Variants in CERS6 observed in about 807,000 individuals in gnomAD.
The protein encoded by CERS6 is LAG1 homolog, ceramide synthase 6.
CERS6 carries 26 observed loss-of-function variants against 56.8 expected under a neutral mutation model. The observed-to-expected ratio is 0.46, with a 90% confidence interval of 0.34 to 0.63. CERS6 has a LOEUF of 0.63. CERS6 is among the 30% of genes least tolerant of loss of function. The probability of loss-of-function intolerance (pLI) is 0.01; values close to 1 mark genes in which losing one functional copy is unlikely to be tolerated. For synonymous variants in CERS6, 164 were observed against 173.3 expected, an observed-to-expected ratio of 0.95 and a Z score of 0.42; for missense variants, 415 against 467.5, an observed-to-expected ratio of 0.89 and a Z score of 1.04.
rs374618302 is a variant in CERS6, at chr2:168,773,512, C to A, written c.*3850C>A. 6.6e-5 allele frequency: 10 copies of A among 152,180 alleles called. No individual in the cohort carries two copies. Among genetic ancestry groups the A allele is most frequent in the African/African-American group, 1.9e-4 (8 of 41,528 alleles). 9.4% of individuals were successfully genotyped at this position (152,180 alleles called of 1,614,324 possible). A position where few individuals can be genotyped will look rare whatever the true frequency, so the allele number is the denominator to read the frequency against. ...CATTTAAATAAGAAAAAAATCAAAT[C>A]GAAGTCAGCCTGCTGGAAAAGTGAT... On this transcript the variant is annotated 3_prime_UTR_variant, in exon 10 of 10. Coordinates refer to ENST00000305747, the MANE Select transcript of CERS6 (RefSeq NM_203463.3).
At chr2:168,587,449 G>T (rs565943214) in intron 3 of CERS6, among the ~76,000 whole-genome samples, 83 of 152,304 alleles carry the variant, frequency 5.4e-4, no homozygotes, top group Non-Finnish European at 9.3e-4. Context: ...AGGAGCCAGA[G>T]ATGGAGTTGA....
rs144538843 is a variant in CERS6 at position 168,739,944 on chromosome 2, A to G, written c.845+21966A>G. Among the ~76,000 whole-genome samples the G allele has an allele frequency of 6.6e-3, 1,007 of 152,184 alleles. 15 individuals are homozygous for G. Among genetic ancestry groups the G allele is most frequent in the African/African-American group, 0.023 (968 of 41,524 alleles). ...AGGCTGGTCTCGAACTCCTGACCTCAGGTGACCCATCCGCCTCGGCCTTCC... is the reference window on the plus strand; with the variant it reads ...AGGCTGGTCTCGAACTCCTGACCTCGGGTGACCCATCCGCCTCGGCCTTCC... On this transcript the variant is annotated intron_variant, in intron 8 of 9. Transcript: ENST00000305747.
intron 3 of CERS6, among the ~76,000 whole-genome samples, chr2:168,616,322 A>T (rs1006088522): frequency 2.6e-5 from 4 of 152,208 alleles, no homozygotes. Context: ...TTAGGAAAAA[A>T]AAATAAAAAT....
intron 4 of CERS6, among the ~76,000 whole-genome samples, chr2:168,658,845 G>GT (rs397766924): frequency 6.6e-6 from 1 of 151,776 alleles, no homozygotes; most frequent in African/African-American, 2.4e-5. Context: ...TATTAAACAG[G>GT]TGTCCCAGTC....
intron 1 of CERS6, among the ~76,000 whole-genome samples, chr2:168,495,350 A>G (rs954028792): frequency 2.4e-4 from 37 of 152,226 alleles, no homozygotes; most frequent in African/African-American, 2.4e-4. Context: ...AGTCAAAACA[A>G]TAGTCACCTG....
chr2:168,616,267 C>T (rs1433146646), intron 3 of CERS6, among the ~76,000 whole-genome samples: 3 of 152,082 alleles, frequency 2.0e-5, no homozygotes, highest in Non-Finnish European at 2.9e-5. Context: ...AACAGAACCT[C>T]TTTAAAGCAT....
At chr2:168,532,676 G>T (rs1345897051) in intron 1 of CERS6, among the ~76,000 whole-genome samples, 6 of 151,916 alleles carry the variant, frequency 3.9e-5, no homozygotes, top group Admixed American at 3.9e-4. Context: ...AGACCATCTT[G>T]TTCATCTCTA....
chr2:168,641,649 A>G (rs1685051888), intron 4 of CERS6, among the ~76,000 whole-genome samples: 1 of 152,208 alleles, frequency 6.6e-6, no homozygotes, highest in Non-Finnish European at 1.5e-5. Context: ...GTTGTTTTGC[A>G]TATATGTAAA....
At chr2:168,659,427 C>G (rs1685572207) in intron 4 of CERS6, among the ~76,000 whole-genome samples, 1 of 152,100 alleles carries the variant, frequency 6.6e-6, no homozygotes, top group Non-Finnish European at 1.5e-5. Context: ...TATGCATAAA[C>G]AAATATATGT....
At chr2:168,697,499 T>C (rs866519375) in intron 6 of CERS6, among the ~76,000 whole-genome samples, 1 of 152,240 alleles carries the variant, frequency 6.6e-6, no homozygotes, top group East Asian at 1.9e-4. Flanking sequence ...AGGAGACCTT[T>C]TGTCCAGGTA....
intron 8 of CERS6, among the ~76,000 whole-genome samples, chr2:168,742,919 G>T (rs13390393): frequency 0.094 from 14,280 of 152,130 alleles, 721 homozygotes; most frequent in Non-Finnish European, 0.1. Context: ...AAATTTTTCA[G>T]CATCGCTAAA....
At chr2:168,521,176 A>G (rs1694971388) in intron 1 of CERS6, among the ~76,000 whole-genome samples, 1 of 152,208 alleles carries the variant, frequency 6.6e-6, no homozygotes, top group African/African-American at 2.4e-5. Flanking sequence ...AATACTGGAA[A>G]GTAACAGAAG....
chr2:168,523,190 T>C (rs555690136), intron 1 of CERS6, among the ~76,000 whole-genome samples: 1 of 152,210 alleles, frequency 6.6e-6, no homozygotes, highest in Non-Finnish European at 1.5e-5. Flanking sequence ...TTGGGTTTTG[T>C]CCTTAAGCTT....
chr2:168,702,953 A>G (rs528060166), intron 6 of CERS6, among the ~76,000 whole-genome samples: 1 of 152,192 alleles, frequency 6.6e-6, no homozygotes, highest in South Asian at 2.1e-4. Context: ...TGAGAATCCA[A>G]CTCTCTAGTA....
chr2:168,714,821 G>T (rs1687187557), intron 6 of CERS6, among the ~76,000 whole-genome samples, 180 bp from the exon 7 acceptor site: 2 of 152,066 alleles, frequency 1.3e-5, no homozygotes, highest in South Asian at 4.2e-4. Context: ...GATCTCCTAT[G>T]TGTCTCTCCC....
At chr2:168,732,102 C>T (rs929059406) in intron 8 of CERS6, among the ~76,000 whole-genome samples, 3 of 152,090 alleles carry the variant, frequency 2.0e-5, no homozygotes, top group African/African-American at 7.2e-5. Flanking sequence ...GCACTTGACC[C>T]CCTTCTTCTT....
chr2:168,643,754 C>A (rs1685101902), intron 4 of CERS6, among the ~76,000 whole-genome samples: 1 of 152,182 alleles, frequency 6.6e-6, no homozygotes, highest in South Asian at 2.1e-4. Flanking sequence ...TCACTCTAAT[C>A]TCTACTTCTG....
intron 3 of CERS6, among the ~76,000 whole-genome samples, chr2:168,623,137 C>T (rs997682169): frequency 6.6e-6 from 1 of 152,142 alleles, no homozygotes; most frequent in Non-Finnish European, 1.5e-5. Context: ...AACTTTTTAA[C>T]AGTGTTTACA....
intron 2 of CERS6, among the ~76,000 whole-genome samples, chr2:168,550,595 A>G (rs1013180016): frequency 1.3e-5 from 2 of 152,212 alleles, no homozygotes; most frequent in Non-Finnish European, 2.9e-5. Flanking sequence ...TAGTGTGCAC[A>G]TGACCCACCA....
Sources: gnomAD v4.1 joint callset for allele counts (sites outside exome capture counted in the v4.1 genomes callset) on GRCh38, gnomAD v4.1.1 for gene constraint, MANE v1.5 for transcripts, NCBI Gene and HGNC (gene_info 2026-07-23, HGNC 2026-07-21) for gene names.